Variants in MAPK15 observed in about 807,000 individuals in gnomAD.
The protein encoded by MAPK15 is mitogen-activated protein kinase 15, also known as ERK-7.
In MAPK15, 61 loss-of-function variants were observed where a neutral mutation model predicts 60.8. That is an observed-to-expected ratio of 1.00 (90% CI 0.82 to 1.24). MAPK15 has a LOEUF of 1.24. Among genes scored for constraint, MAPK15 ranks in the 50% most tolerant of loss-of-function variants. MAPK15 has a pLI of 0.00. For missense variants in MAPK15, 808 were observed against 741.1 expected (o/e 1.09, Z -1.05); for synonymous variants, 356 against 319.9 (o/e 1.11, Z -1.21).
In MAPK15 at chr8:143,720,205, G is replaced by C. The variant is rs1230934282; in HGVS notation, c.722-25G>C. 1 of 1,556,098 alleles carries C rather than the reference G, an allele frequency of 6.4e-7. No homozygotes were observed. The highest frequency in any genetic ancestry group is 8.7e-7 in the Non-Finnish European group (1 of 1,150,556). On this transcript the variant is annotated intron_variant, in intron 7 of 13. Transcript: ENST00000338033. This position sits in a 1 kb window ranked among gnomAD's most constrained non-coding sequence, Gnocchi z 4.6. ...GCCCCAGCCGACCAGGCCTGCCTGG[G>C]TCACACCACCTTCTGCTGCCCCAGA...
At position 143,719,588 on chromosome 8, in the gene MAPK15, G is replaced by A. The variant is rs1265030446; in HGVS notation, c.721+106G>A. 182 of 1,416,386 alleles carry A rather than the reference G, an allele frequency of 1.3e-4. 1 individual carries two copies. The highest frequency in any genetic ancestry group is 4.3e-5 in the African/African-American group (3 of 69,508). 87.7% of individuals were successfully genotyped at this position (1,416,386 alleles called of 1,614,324 possible). On this transcript the variant is annotated intron_variant, in intron 7 of 13. Coordinates refer to ENST00000338033, the MANE Select transcript of MAPK15 (RefSeq NM_139021.3). Reference sequence around the variant, plus strand: ...CTAGGACTGTGCTGAGAGGAGGGACGGGGACAGGGAGGATCCAGAGGATGG... The same window carrying A: ...CTAGGACTGTGCTGAGAGGAGGGACAGGGACAGGGAGGATCCAGAGGATGG...
In MAPK15 at chr8:143,720,808, G is replaced by A. The variant is rs145175269; in HGVS notation, c.885G>A (p.Ala295=). 800 of 1,613,426 alleles carry A rather than the reference G, an allele frequency of 5.0e-4. 3 individuals carry two copies. In the African/African-American group the frequency reaches 9.4e-3, roughly 19 times the overall value. The change falls in exon 9 of 14, where the codon GCG becomes GCA. Residue 295 remains alanine, a synonymous_variant. Transcript: ENST00000338033. This position sits in a 1 kb window ranked among gnomAD's most constrained non-coding sequence, Gnocchi z 4.6. ...LVFAPDKRLS[A]TQALQHPYVQ... is the part of the protein sequence containing the mutation. ...TCGCCCCGGACAAGCGGTTAAGCGC[G>A]ACCCAGGCACTGCAGCACCCCTACG...
At position 143,721,829 on chromosome 8, in the gene MAPK15, C is replaced by T. The variant is rs1237535446; in HGVS notation, c.1407C>T (p.Ile469=). The change falls in exon 13 of 14, where the codon ATC becomes ATT. Residue 469 remains isoleucine (I), a synonymous_variant. Coordinates refer to ENST00000338033, the MANE Select transcript of MAPK15 (RefSeq NM_139021.3). The stretch of plus-strand genomic sequence containing the variant: ...CTCAGGTGGCCAACCAGGCCCTGAT[C>T]CGGGGTGACTGGAACCGGGGCGGTG... ...AAAQVANQAL[I]RGDWNRGGGV... The T allele has an allele frequency of 1.2e-6, 2 of 1,610,740 alleles. No homozygotes were observed. The highest frequency in any genetic ancestry group is 1.7e-6 in the Non-Finnish European group (2 of 1,178,766).
Position 143,721,349 on chromosome 8 carries a change from C to T in MAPK15, c.1142C>T (p.Thr381Ile), listed in dbSNP as rs371318944. 1.2e-6 allele frequency: 2 copies of T among 1,613,512 alleles called. No homozygotes were observed. The highest frequency in any genetic ancestry group is 1.3e-5 in the African/African-American group (1 of 74,914). ...GCCGACCCTCAGCTGCCTTCTAGGA[C>T]ACCTGTGCAGGGTCCCAGACCCAGG... ...PRADPQLPSR[T>I]PVQGPRPRPQ... is the part of the protein sequence containing the mutation. The change falls in exon 11 of 14, where the codon ACA becomes ATA. Residue 381 changes from threonine (T) to isoleucine (I), a missense_variant. Thr to Ile is a moderately conservative substitution (Grantham distance 89, BLOSUM62 -1). Transcript: ENST00000338033.
chr8:143,718,911 G>A lies in MAPK15; in HGVS notation c.417+6G>A, dbSNP rs372074744. On this transcript the variant is annotated splice_donor_region_variant and intron_variant, in intron 5 of 13. Transcript: ENST00000338033. ...TTGTGCACCGGGACCAGAAGGTGCG[G>A]TTCCCCCGCCCCCGCTATGCCACGT... 22 of 1,602,156 alleles carry A rather than the reference G, an allele frequency of 1.4e-5. No homozygotes were observed. The highest frequency in any genetic ancestry group is 3.3e-4 in the Middle Eastern group (2 of 6,012).
intron 4 of MAPK15, 133 bp from the exon 5 acceptor site, chr8:143,718,642 G>A: frequency 2.6e-6 from 2 of 770,248 alleles, no homozygotes; most frequent in Non-Finnish European, 4.3e-6. Flanking sequence ...CAGTGCACAG[G>A]ATGGAGGAGC....
Position 143,722,081 on chromosome 8 carries a change from C to A in MAPK15, c.1465C>A (p.Pro489Thr). Residue 489 changes from proline to threonine, a missense_variant, in exon 14 of 14, where the codon CCC becomes ACC. Physicochemically the swap from Pro to Thr is conservative, Grantham distance 38. Coordinates refer to ENST00000338033, the MANE Select transcript of MAPK15 (RefSeq NM_139021.3). ...VRVASVQQVP[P>T]RLPPEARPGR... is the part of the protein sequence containing the mutation. Reference sequence around the variant, plus strand: ...GACCCTCAACTGTACACAGGTCCCTCCCCGGCTTCCTCCGGAGGCCCGGCC... The same window carrying A: ...GACCCTCAACTGTACACAGGTCCCTACCCGGCTTCCTCCGGAGGCCCGGCC... 1 of 1,612,114 alleles carries A rather than the reference C, an allele frequency of 6.2e-7. No individual in the cohort carries two copies. Among genetic ancestry groups the A allele is most frequent in the Non-Finnish European group, 8.5e-7 (1 of 1,179,850 alleles).
At position 143,720,494 on chromosome 8, in the gene MAPK15, C is replaced by G. The variant is rs1818002848; in HGVS notation, c.779+207C>G. The G allele has an allele frequency of 1.4e-6, 2 of 1,451,168 alleles. No individual in the cohort carries two copies. Among genetic ancestry groups the G allele is most frequent in the Non-Finnish European group, 1.8e-6 (2 of 1,099,178 alleles). 89.9% of individuals were successfully genotyped at this position (1,451,168 alleles called of 1,614,324 possible). A position where few individuals can be genotyped will look rare whatever the true frequency, so the allele number is the denominator to read the frequency against. Reference sequence around the variant, plus strand: ...AGAGGGTGGCCCAGAGGAGCTGTGCCAGGGCGTGGAGAGGAGGGCACCAGG... The same window carrying G: ...AGAGGGTGGCCCAGAGGAGCTGTGCGAGGGCGTGGAGAGGAGGGCACCAGG... On this transcript the variant is annotated intron_variant, in intron 8 of 13. Transcript: ENST00000338033. The surrounding 1 kb of genome is among the most constrained non-coding windows in gnomAD (Gnocchi z 4.6).
Position 143,721,089 on chromosome 8 carries a change from G to T in MAPK15, c.1007G>T (p.Arg336Leu). ...EGVQLSVPEY[R>L]SRVYQMILEC... ...GTCCAGCTCTCTGTGCCTGAGTACCGCAGCCGCGTCTATCAGGTGCTCCGG... is the reference window on the plus strand; with the variant it reads ...GTCCAGCTCTCTGTGCCTGAGTACCTCAGCCGCGTCTATCAGGTGCTCCGG... Residue 336 changes from arginine (R) to leucine (L), a missense_variant, in exon 10 of 14, where the codon CGC (arginine) becomes CTC (leucine). By Grantham distance (102) the Arg-to-Leu change is moderately radical. Coordinates refer to ENST00000338033, the MANE Select transcript of MAPK15 (RefSeq NM_139021.3). 6.2e-7 allele frequency: 1 copy of T among 1,610,796 alleles called. No homozygotes were observed.
Position 143,721,497 on chromosome 8 carries a change from C to T in MAPK15, c.1205-52C>T. ...GCCAACTATGCGCAGCATTCGGTTC[C>T]TGACCCTGGGGTTGACCCACTGACC... is the stretch of plus-strand genomic sequence containing the variant. On this transcript the variant is annotated intron_variant, in intron 11 of 13. Transcript: ENST00000338033. 6 of 1,613,010 alleles carry T rather than the reference C, an allele frequency of 3.7e-6. No individual in the cohort carries two copies. In the South Asian group the frequency reaches 6.6e-5, roughly 18 times the overall value.
chr8:143,718,727 G>GCC, intron 4 of MAPK15, 48 bp from the exon 5 acceptor site: 4 of 514,518 alleles, frequency 7.8e-6, no homozygotes, highest in South Asian at 4.1e-5. Flanking sequence ...CCCCCAGGTT[G>GCC]CCCCCCCAGC....
In MAPK15 at chr8:143,720,460, G is replaced by A. The variant is rs1356684427; in HGVS notation, c.779+173G>A. 2 of 1,448,688 alleles carry A rather than the reference G, an allele frequency of 1.4e-6. No individual in the cohort carries two copies. Among genetic ancestry groups the A allele is most frequent in the African/African-American group, 2.9e-5 (2 of 69,680 alleles). 89.7% of individuals were successfully genotyped at this position (1,448,688 alleles called of 1,614,324 possible). On this transcript the variant is annotated intron_variant, in intron 8 of 13. Coordinates refer to ENST00000338033, the MANE Select transcript of MAPK15 (RefSeq NM_139021.3). This position sits in a 1 kb window ranked among gnomAD's most constrained non-coding sequence, Gnocchi z 4.6. ...CCACACTGAAAGCAGGAGCCCCTCTGGTGCTCCTAGAGGGTGGCCCAGAGG... is the reference window on the plus strand; with the variant it reads ...CCACACTGAAAGCAGGAGCCCCTCTAGTGCTCCTAGAGGGTGGCCCAGAGG...
Position 143,722,106 on chromosome 8 carries a change from C to A in MAPK15, c.1490C>A (p.Pro497His). 6.2e-7 allele frequency: 1 copy of A among 1,612,514 alleles called. No individual in the cohort carries two copies. Among genetic ancestry groups the A allele is most frequent in the Non-Finnish European group, 8.5e-7 (1 of 1,179,878 alleles). The change falls in exon 14 of 14, where the codon CCC (proline) becomes CAC (histidine). Residue 497 changes from proline to histidine, a missense_variant. By Grantham distance (77) the Pro-to-His change is moderately conservative (BLOSUM62 -2). Transcript: ENST00000338033. ...CCCCGGCTTCCTCCGGAGGCCCGGC[C>A]CGGCCGGAGGATGTTCAGCACCTCT... ...VPPRLPPEARPGRRMFSTSAL... is the reference protein window; with the variant it reads ...VPPRLPPEARHGRRMFSTSAL...
In MAPK15 at chr8:143,722,300, C is replaced by T; in HGVS notation, c.*49C>T. 1.4e-6 allele frequency: 2 copies of T among 1,468,410 alleles called. No homozygotes were observed. Among genetic ancestry groups the T allele is most frequent in the South Asian group, 2.7e-5 (2 of 74,944 alleles). The allele number at this position is 1,468,410 out of a possible 1,614,324, so 91.0% of individuals were successfully genotyped here. On this transcript the variant is annotated 3_prime_UTR_variant, in exon 14 of 14. Coordinates refer to ENST00000338033, the MANE Select transcript of MAPK15 (RefSeq NM_139021.3). ...CCCTCTGTTCCTGCCCCAGCCCCTT[C>T]CCCAGACCCCTCTCCAGTCTCCTGC...
chr8:143,718,400 GC>G, intron 4 of MAPK15, 98 bp downstream of exon 4: 1 of 1,115,328 alleles, frequency 9.0e-7, no homozygotes, highest in Non-Finnish European at 1.3e-6. Flanking sequence ...TCCCTCTGCA[GC>G]TGGCCCACAG....
chr8:143,716,667 C>T (rs1817823414), intron 1 of MAPK15, among the ~76,000 whole-genome samples: 1 of 152,146 alleles, frequency 6.6e-6, no homozygotes, highest in South Asian at 2.1e-4. Context: ...AGGCAGGTGA[C>T]AGCCAGGGCC....
chr8:143,719,851 AAG>A (rs1482508748), intron 7 of MAPK15, among the ~76,000 whole-genome samples: 6 of 151,790 alleles, frequency 4.0e-5, no homozygotes, highest in Non-Finnish European at 5.9e-5. Context: ...GTGCTGAGGG[AAG>A]AGGTGGAGGA....
chr8:143,717,403 G>C (rs1365066473), intron 1 of MAPK15, among the ~76,000 whole-genome samples: 1 of 152,092 alleles, frequency 6.6e-6, no homozygotes, highest in African/African-American at 2.4e-5. Context: ...AGAGTGCCTG[G>C]GCAGCTGGAA....
In MAPK15 at chr8:143,716,408, CG is replaced by C. The variant is rs782543819; in HGVS notation, c.33del (p.Arg12AspfsTer68). 29 of 1,605,678 alleles carry C rather than the reference CG, an allele frequency of 1.8e-5. No homozygotes were observed. Among genetic ancestry groups the C allele is most frequent in the Non-Finnish European group, 2.4e-5 (28 of 1,176,944 alleles). The stretch of plus-strand genomic sequence containing the variant: ...CACCGTAGTGGACCCTCGCATTGTC[CG>C]GAGATACCTACTCAGGCGGCAGCTC... MCTVVDPRIV[R>X]RYLLRRQLGQ... On this transcript the variant is annotated frameshift_variant, in exon 1 of 14. Coordinates refer to ENST00000338033, the MANE Select transcript of MAPK15 (RefSeq NM_139021.3). LOFTEE classifies it high-confidence loss of function.
Sources: allele counts gnomAD v4.1 joint callset (sites outside exome capture counted in the v4.1 genomes callset), GRCh38; gene constraint gnomAD v4.1.1; non-coding constraint Gnocchi (gnomAD v3.1); transcripts MANE v1.5; gene names NCBI Gene and HGNC (gene_info 2026-07-23, HGNC 2026-07-21).